The following KLHL32 variants were observed in gnomAD, a reference collection of about 807,000 sequenced individuals.
KLHL32 encodes kelch like family member 32.
Under a neutral mutation model 64.8 loss-of-function variants are expected in KLHL32, and 35 were observed. That is an observed-to-expected ratio of 0.54 (90% CI 0.41 to 0.72). The LOEUF (loss-of-function observed/expected upper bound fraction) is 0.72. KLHL32 is among the 30% of genes least tolerant of loss of function. KLHL32 has a pLI of 0.00. For missense variants in KLHL32, 589 were observed against 768.5 expected (o/e 0.77, Z 2.76); for synonymous variants, 259 against 281.0 (o/e 0.92, Z 0.78).
At chr6:97,107,274 A>C (rs1219516410) in intron 6 of KLHL32, among the ~76,000 whole-genome samples, 1 of 150,018 alleles carries the variant, frequency 6.7e-6, no homozygotes, top group Admixed American at 6.6e-5. Context: ...GCCTGGGCGA[A>C]AGGCAAGACT....
chr6:96,907,698 T>A, the KLHL32 span, among the ~76,000 whole-genome samples: 60,094 of 152,026 alleles, frequency 0.4, 13,350 homozygotes, highest in African/African-American at 0.61. Context: ...ATGCCACAAC[T>A]TAACTCGCCC....
chr6:97,082,356 G>A (rs1792673983), intron 5 of KLHL32, among the ~76,000 whole-genome samples: 2 of 152,198 alleles, frequency 1.3e-5, no homozygotes, highest in Non-Finnish European at 2.9e-5. Context: ...GCTCACACCT[G>A]TAATCCCAGC....
intron 1 of KLHL32, among the ~76,000 whole-genome samples, chr6:96,926,235 T>A (rs1769144393): frequency 2.0e-5 from 3 of 152,262 alleles, no homozygotes; most frequent in Admixed American, 2.0e-4. Flanking sequence ...TTTCTACTTC[T>A]TGTTAAATGA....
At chr6:96,943,015 A>G (rs1055183804) in intron 1 of KLHL32, among the ~76,000 whole-genome samples, 3 of 149,036 alleles carry the variant, frequency 2.0e-5, no homozygotes, top group African/African-American at 7.5e-5. Flanking sequence ...GAGAAATGAG[A>G]TGTATTGTTC....
At chr6:96,999,606 C>G in intron 3 of KLHL32, 1 of 684,798 alleles carries the variant, frequency 1.5e-6, no homozygotes, top group Non-Finnish European at 1.8e-6. Context: ...CTGATGACAA[C>G]TTTATTTTTC....
intron 3 of KLHL32, among the ~76,000 whole-genome samples, chr6:96,990,820 G>C (rs1777771203): frequency 6.6e-6 from 1 of 152,114 alleles, no homozygotes; most frequent in African/African-American, 2.4e-5. Context: ...GAGCTAGACT[G>C]GCCTCTTCTC....
At position 97,002,592 on chromosome 6, in the gene KLHL32, G is replaced by A. The variant is rs181810120; in HGVS notation, c.204+26415G>A. ...ATTACTCAGGTCCTAAGCGTAGTAC[G>A]CTATAGGTGTATTTTTATCCTCACC... On this transcript the variant is annotated intron_variant, in intron 3 of 10. Transcript: ENST00000369261. 4.6e-5 allele frequency among the ~76,000 whole-genome samples: 7 copies of A among 152,192 alleles called. No homozygotes were observed. In the East Asian group the frequency reaches 9.7e-4, roughly 21 times the overall value.
intron 4 of KLHL32, among the ~76,000 whole-genome samples, chr6:97,051,941 A>G (rs2128136950): frequency 6.6e-6 from 1 of 152,302 alleles, no homozygotes; most frequent in South Asian, 2.1e-4. Context: ...CACATAAAGG[A>G]TCCCCAGAAG....
At chr6:96,983,800 A>G (rs148752247) in intron 3 of KLHL32, among the ~76,000 whole-genome samples, 1,737 of 152,136 alleles carry the variant, frequency 0.011, 41 homozygotes, top group African/African-American at 0.039. Context: ...CTAGCGGTCT[A>G]TCAATTTTGT....
At chr6:96,951,400 A>G (rs914202422) in intron 1 of KLHL32, among the ~76,000 whole-genome samples, 1 of 152,174 alleles carries the variant, frequency 6.6e-6, no homozygotes, top group Non-Finnish European at 1.5e-5. Context: ...TTTGCGACTA[A>G]TACTCAGAGT....
intron 1 of KLHL32, among the ~76,000 whole-genome samples, chr6:96,940,925 C>T (rs748252377): frequency 7.9e-5 from 12 of 152,110 alleles, no homozygotes; most frequent in Non-Finnish European, 1.5e-4. Flanking sequence ...CTAACACAGG[C>T]ACAAATTGTT....
intron 6 of KLHL32, among the ~76,000 whole-genome samples, chr6:97,113,401 C>T (rs1443667514): frequency 6.6e-6 from 1 of 152,140 alleles, no homozygotes; most frequent in African/African-American, 2.4e-5. Context: ...TTTGATGACA[C>T]CTCCCACCAT....
At chr6:97,083,702 T>G (rs1246507035) in intron 5 of KLHL32, among the ~76,000 whole-genome samples, 1 of 152,250 alleles carries the variant, frequency 6.6e-6, no homozygotes, top group Non-Finnish European at 1.5e-5. Context: ...TTTTCCATAC[T>G]TTGTATTTCT....
intron 4 of KLHL32, among the ~76,000 whole-genome samples, chr6:97,042,301 G>T (rs1785244438): frequency 6.6e-6 from 1 of 152,150 alleles, no homozygotes; most frequent in South Asian, 2.1e-4. Flanking sequence ...GTAAGAGAAA[G>T]ACAGGCAAAT....
chr6:97,091,981 C>CTTTTTTTTTTTT (rs11340950), intron 6 of KLHL32, among the ~76,000 whole-genome samples: 2 of 132,380 alleles, frequency 1.5e-5, no homozygotes, highest in Non-Finnish European at 3.3e-5. Flanking sequence ...CTCTTTCTTT[C>CTTTTTTTTTTTT]TTTTTTTTTT....
intron 3 of KLHL32, among the ~76,000 whole-genome samples, chr6:97,006,498 A>G (rs918134631): frequency 5.3e-5 from 8 of 152,094 alleles, no homozygotes; most frequent in African/African-American, 1.7e-4. Flanking sequence ...GGGCATTTAT[A>G]CTGTTTACAT....
intron 6 of KLHL32, 98 bp from the exon 7 acceptor site, chr6:97,113,685 C>A: frequency 7.1e-7 from 1 of 1,415,994 alleles, no homozygotes. Context: ...TGTATTATTA[C>A]CTGCCTGGAA....
chr6:97,114,583 T>C, intron 7 of KLHL32, 74 bp downstream of exon 7: 1 of 1,552,612 alleles, frequency 6.4e-7, no homozygotes. Context: ...CAAGCTTTAA[T>C]ACTGTGGCCA....
chr6:97,104,719 G>C (rs542398128), intron 6 of KLHL32, among the ~76,000 whole-genome samples: 1 of 152,124 alleles, frequency 6.6e-6, no homozygotes, highest in Non-Finnish European at 1.5e-5. Context: ...AAATGTTGAC[G>C]CAGTTTTAAT....
Sources: allele counts gnomAD v4.1 joint callset (sites outside exome capture counted in the v4.1 genomes callset), GRCh38; gene constraint gnomAD v4.1.1; transcripts MANE v1.5; gene names NCBI Gene and HGNC (gene_info 2026-07-23, HGNC 2026-07-21).